GNPTAB: variants seen among roughly 807,000 people sequenced by gnomAD.
The protein encoded by GNPTAB is N-acetylglucosamine-1-phosphate transferase subunits alpha and beta, also known as N-acetylglucosamine-1-phosphotransferase subunits alpha/beta.
Under a neutral mutation model 136.6 loss-of-function variants are expected in GNPTAB, and 92 were observed. That is an observed-to-expected ratio of 0.67 (90% CI 0.57 to 0.80). The LOEUF (loss-of-function observed/expected upper bound fraction) is 0.80, where lower values mean the gene tolerates loss of function less well. Among genes scored for constraint, GNPTAB ranks in the 30% least tolerant of loss-of-function variants. GNPTAB has a pLI of 0.00. For synonymous variants in GNPTAB, 512 were observed against 535.1 expected (o/e 0.96, Z 0.60); for missense variants, 1,343 against 1,501.8 (o/e 0.89, Z 1.75).
intron 4 of GNPTAB, among the ~76,000 whole-genome samples, chr12:101,788,335 T>C (rs1271436627): frequency 6.6e-6 from 1 of 152,214 alleles, no homozygotes; most frequent in Non-Finnish European, 1.5e-5. Flanking sequence ...CCCAGTGCAG[T>C]GAAGCTTTGG....
chr12:101,747,275 T>C, intron 20 of GNPTAB, 34 bp from the exon 21 acceptor site: 1 of 1,233,392 alleles, frequency 8.1e-7, no homozygotes, highest in Non-Finnish European at 1.2e-6. Flanking sequence ...ACATTTTAAT[T>C]CTCACGTTGA....
chr12:101,824,823 G>A (rs11834309), intron 1 of GNPTAB, among the ~76,000 whole-genome samples: 2,147 of 152,142 alleles, frequency 0.014, 58 homozygotes, highest in African/African-American at 0.049. Context: ...TCTGAGTTGG[G>A]AGTCTGTCAC....
Position 101,749,201 on chromosome 12 carries a change from GAGA to G in GNPTAB, c.3603-13_3603-11del. ...GTCTCGATAAGCCCTCCTGTGCAGAGAGAAGAAAGCAACTATGTACTTCTGTAT... is the reference window on the plus strand; with the variant it reads ...GTCTCGATAAGCCCTCCTGTGCAGAGAGAAAGCAACTATGTACTTCTGTAT... On this transcript the variant is annotated splice_polypyrimidine_tract_variant and intron_variant, in intron 19 of 20. Transcript: ENST00000299314. 6.5e-7 allele frequency: 1 copy of G among 1,542,926 alleles called. No individual in the cohort carries two copies. The highest frequency in any genetic ancestry group is 9.0e-7 in the Non-Finnish European group (1 of 1,115,638).
At chr12:101,818,260 T>A (rs1248992261) in intron 1 of GNPTAB, among the ~76,000 whole-genome samples, 1 of 152,208 alleles carries the variant, frequency 6.6e-6, no homozygotes, top group Non-Finnish European at 1.5e-5. Flanking sequence ...TCTGAGAAAG[T>A]GTGCTTGGCA....
Position 101,790,040 on chromosome 12 carries a change from G to A in GNPTAB, c.221C>T (p.Pro74Leu), listed in dbSNP as rs751701012. 24 of 1,613,900 alleles carry A rather than the reference G, an allele frequency of 1.5e-5. No homozygotes were observed. The Admixed American group carries it at 2.0e-4, about 13-fold the overall frequency. The stretch of plus-strand genomic sequence containing the variant: ...CACCCAGGTGTAAACAACGTCAATC[G>A]GCATGGGCAGACAAAGCCTAGGGCA... ...SFQNRLCLPM[P>L]IDVVYTWVNG... Residue 74 changes from proline to leucine, a missense_variant, in exon 3 of 21, where the codon CCG (proline) becomes CTG (leucine). Physicochemically the swap from Pro to Leu is moderately conservative, Grantham distance 98. Coordinates refer to ENST00000299314, the MANE Select transcript of GNPTAB (RefSeq NM_024312.5).
chr12:101,796,332 G>C (rs1869287234), intron 2 of GNPTAB: 1 of 699,262 alleles, frequency 1.4e-6, no homozygotes, highest in Admixed American at 2.0e-5. Context: ...ATTACTCTCT[G>C]TGAATCAGAT....
chr12:101,788,815 T>C (rs920089916), intron 3 of GNPTAB, among the ~76,000 whole-genome samples: 1 of 152,238 alleles, frequency 6.6e-6, no homozygotes, highest in Admixed American at 6.5e-5. Context: ...GGGTGCACTC[T>C]TGACATTCAC....
At chr12:101,767,834 T>C in intron 11 of GNPTAB, 1 of 674,002 alleles carries the variant, frequency 1.5e-6, no homozygotes, top group Non-Finnish European at 2.6e-6. Flanking sequence ...CCCAAGCTGG[T>C]CTTGAACTCC....
chr12:101,757,266 C>T lies in GNPTAB; in HGVS notation c.3380G>A (p.Arg1127His), dbSNP rs749361169. The T allele has an allele frequency of 6.8e-6, 11 of 1,609,674 alleles. No homozygotes were observed. The highest frequency in any genetic ancestry group is 1.1e-5 in the South Asian group (1 of 90,556). Residue 1127 changes from arginine (R) to histidine (H), a missense_variant, in exon 18 of 21, where the codon CGT becomes CAT. Transcript: ENST00000299314. ...GCCAACCACATGAGAAACGTTGGTA[C>T]GAATCATTTTAAAAGCGATTTCTTC... ...GEEEIAFKMI[R>H]TNVSHVVGQL...
intron 7 of GNPTAB, chr12:101,779,411 G>A (rs1053553119): frequency 1.7e-4 from 26 of 152,390 alleles, no homozygotes; most frequent in African/African-American, 5.3e-4. Context: ...CACCCACATG[G>A]ACTATGTCCT....
chr12:101,822,817 C>T (rs1870881553), intron 1 of GNPTAB, among the ~76,000 whole-genome samples: 1 of 152,156 alleles, frequency 6.6e-6, no homozygotes. Context: ...CAAGACAATA[C>T]AAAGAGCCAG....
chr12:101,794,951 A>G (rs1333131951), intron 2 of GNPTAB, among the ~76,000 whole-genome samples: 1 of 152,186 alleles, frequency 6.6e-6, no homozygotes, highest in Non-Finnish European at 1.5e-5. Flanking sequence ...AATTTTTAAA[A>G]ACGTTTGAAG....
intron 1 of GNPTAB, among the ~76,000 whole-genome samples, chr12:101,807,268 G>A (rs962645640): frequency 3.3e-5 from 5 of 152,158 alleles, no homozygotes; most frequent in African/African-American, 7.2e-5. Context: ...TAGGAATACA[G>A]GAGAACTTCC....
rs1166285409 is a variant in GNPTAB, at chr12:101,767,763, C to T, written c.1408+274G>A. The T allele has an allele frequency of 8.4e-6, 5 of 597,172 alleles. No individual in the cohort carries two copies. In the Admixed American group the frequency reaches 1.5e-4, roughly 18 times the overall value. 37.0% of individuals were successfully genotyped at this position (597,172 alleles called of 1,614,324 possible). A position where few individuals can be genotyped will look rare whatever the true frequency, so the allele number is the denominator to read the frequency against. ...TTAGCCTCCCAAGTAGCTAGGACTACAGGTTTGCACCACCACACTTGGCTA... is the reference window on the plus strand; with the variant it reads ...TTAGCCTCCCAAGTAGCTAGGACTATAGGTTTGCACCACCACACTTGGCTA... On this transcript the variant is annotated intron_variant, in intron 11 of 20. Transcript: ENST00000299314.
intron 20 of GNPTAB, among the ~76,000 whole-genome samples, chr12:101,748,553 G>A (rs1366796910): frequency 6.6e-6 from 1 of 152,180 alleles, no homozygotes; most frequent in African/African-American, 2.4e-5. Flanking sequence ...CCTCAAGGAG[G>A]CTGCGTGTGT....
chr12:101,826,739 T>TA (rs1469441345), intron 1 of GNPTAB, among the ~76,000 whole-genome samples: 5 of 152,142 alleles, frequency 3.3e-5, no homozygotes, highest in Admixed American at 1.3e-4. Context: ...AAACACGTTT[T>TA]AAAATCTATA....
At chr12:101,802,129 T>TG (rs1376777032) in intron 1 of GNPTAB, among the ~76,000 whole-genome samples, 1 of 146,970 alleles carries the variant, frequency 6.8e-6, no homozygotes, top group Non-Finnish European at 1.5e-5. Context: ...GCCCAAGAGT[T>TG]GGAGGCTGAA....
At chr12:101,818,852 G>C (rs553357755) in intron 1 of GNPTAB, among the ~76,000 whole-genome samples, 3 of 152,130 alleles carry the variant, frequency 2.0e-5, no homozygotes, top group Non-Finnish European at 4.4e-5. Context: ...GTGATAGTGA[G>C]TAAGTCTCAC....
intron 1 of GNPTAB, among the ~76,000 whole-genome samples, chr12:101,801,567 A>AAAAAAAC (rs1869636413): frequency 6.2e-5 from 9 of 145,146 alleles, no homozygotes; most frequent in African/African-American, 1.8e-4. Context: ...AAAAAAAAAA[A>AAAAAAAC]CTGGAAAAAA....
Sources: allele counts gnomAD v4.1 joint callset (sites outside exome capture counted in the v4.1 genomes callset), GRCh38; gene constraint gnomAD v4.1.1; transcripts MANE v1.5; gene names NCBI Gene and HGNC (gene_info 2026-07-23, HGNC 2026-07-21).